Variants in CSGALNACT1 observed in about 807,000 individuals in gnomAD.
The protein encoded by CSGALNACT1 is chondroitin sulfate N-acetylgalactosaminyltransferase 1, also known as beta4GalNAcT-1.
In CSGALNACT1, 52 loss-of-function variants were observed where a neutral mutation model predicts 51.0. That is an observed-to-expected ratio of 1.02 (90% CI 0.82 to 1.29). The LOEUF is 1.29. Ranked by LOEUF, CSGALNACT1 falls within the 50% of genes most tolerant of loss-of-function variation. CSGALNACT1 has a pLI of 0.00. For missense variants in CSGALNACT1, 935 were observed against 679.2 expected (o/e 1.38, Z -4.19); for synonymous variants, 341 against 254.4 (o/e 1.34, Z -3.24).
At chr8:19,494,390 C>T (rs1163507376) in intron 4 of CSGALNACT1, among the ~76,000 whole-genome samples, 1 of 152,184 alleles carries the variant, frequency 6.6e-6, no homozygotes, top group Non-Finnish European at 1.5e-5. Context: ...TGATGCCCTT[C>T]CTGATCATTC....
chr8:19,711,648 A>G (rs946926131), intron 1 of CSGALNACT1, among the ~76,000 whole-genome samples: 1 of 152,210 alleles, frequency 6.6e-6, no homozygotes, highest in African/African-American at 2.4e-5. Flanking sequence ...AGAAGCAAAA[A>G]GCCTAACACC....
intron 4 of CSGALNACT1, among the ~76,000 whole-genome samples, chr8:19,474,416 G>C (rs2068924911): frequency 6.6e-6 from 1 of 152,094 alleles, no homozygotes; most frequent in Non-Finnish European, 1.5e-5. Context: ...AATGTATAGA[G>C]CAGGTAGTGT....
chr8:19,555,808 G>C (rs960895817), intron 3 of CSGALNACT1, among the ~76,000 whole-genome samples: 2 of 152,150 alleles, frequency 1.3e-5, no homozygotes, highest in Non-Finnish European at 2.9e-5. Flanking sequence ...TGCTTGTCTT[G>C]TGGGAAATAT....
chr8:19,425,942 G>C (rs1004488120), intron 6 of CSGALNACT1, among the ~76,000 whole-genome samples: 3 of 152,146 alleles, frequency 2.0e-5, no homozygotes, highest in Non-Finnish European at 2.9e-5. Context: ...TGCGCACTCT[G>C]AGCTCCCAAC....
intron 4 of CSGALNACT1, among the ~76,000 whole-genome samples, chr8:19,466,350 TAAGATA>T (rs986715748): frequency 6.6e-6 from 1 of 152,158 alleles, no homozygotes; most frequent in Admixed American, 6.6e-5. Flanking sequence ...GATGATCATT[TAAGATA>T]AAGAAAAAAC....
At chr8:19,583,157 C>T (rs773160382) in intron 3 of CSGALNACT1, among the ~76,000 whole-genome samples, 1 of 152,038 alleles carries the variant, frequency 6.6e-6, no homozygotes, top group Non-Finnish European at 1.5e-5. Context: ...TATCCAAAAA[C>T]ATAAACCAAT....
rs545184168 is a variant in CSGALNACT1, at chr8:19,422,590, G to A, written c.954-2072C>T. 2.0e-5 allele frequency among the ~76,000 whole-genome samples: 3 copies of A among 152,322 alleles called. No homozygotes were observed. In the South Asian group the frequency reaches 6.2e-4, roughly 32 times the overall value. On this transcript the variant is annotated intron_variant, in intron 6 of 9. Coordinates refer to ENST00000454498, the Ensembl canonical transcript of CSGALNACT1. ...TATCTTGAGTCTTTTCTCTGGGGGG[G>A]TGCCCCCATTGCACATTTTCTGTGT... is the stretch of plus-strand genomic sequence containing the variant.
At chr8:19,509,747 C>T (rs879877902) in intron 3 of CSGALNACT1, among the ~76,000 whole-genome samples, 1 of 152,016 alleles carries the variant, frequency 6.6e-6, no homozygotes, top group Admixed American at 6.6e-5. Context: ...GTGCAATCTC[C>T]TTCTCTGAGC....
chr8:19,422,434 C>T (rs899778630), intron 6 of CSGALNACT1, among the ~76,000 whole-genome samples: 2 of 152,154 alleles, frequency 1.3e-5, no homozygotes, highest in African/African-American at 4.8e-5. Flanking sequence ...ACTACTGCCT[C>T]GGCCTCCCAA....
At chr8:19,500,907 G>C (rs1230500354) in intron 4 of CSGALNACT1, among the ~76,000 whole-genome samples, 1 of 152,166 alleles carries the variant, frequency 6.6e-6, no homozygotes, top group African/African-American at 2.4e-5. Context: ...TCTGGTAAGG[G>C]CTGTATCCTC....
At chr8:19,605,065 G>A (rs2051181107), upstream of CSGALNACT1, among the ~76,000 whole-genome samples, 1 of 152,020 alleles carries the variant, frequency 6.6e-6, no homozygotes, top group Admixed American at 6.6e-5. Flanking sequence ...TCCCTCATAA[G>A]AAACCATAAT....
intron 4 of CSGALNACT1, among the ~76,000 whole-genome samples, chr8:19,466,071 A>G (rs2066602193): frequency 6.6e-6 from 1 of 152,218 alleles, no homozygotes; most frequent in African/African-American, 2.4e-5. Context: ...TTGTTTAAGT[A>G]AAAGCTATCT....
chr8:19,600,734 T>C (rs1320504060), intron 2 of CSGALNACT1, among the ~76,000 whole-genome samples: 1 of 151,976 alleles, frequency 6.6e-6, no homozygotes, highest in African/African-American at 2.4e-5. Context: ...CCACACACCC[T>C]CATTTAAGTA....
chr8:19,508,520 G>C (rs561872309), intron 3 of CSGALNACT1, among the ~76,000 whole-genome samples: 48 of 152,270 alleles, frequency 3.2e-4, no homozygotes, highest in African/African-American at 1.1e-3. Flanking sequence ...CTGTAATTCT[G>C]TGATTGAAAA....
chr8:19,720,607 G>A (rs2063067209), intron 1 of CSGALNACT1, among the ~76,000 whole-genome samples: 1 of 152,176 alleles, frequency 6.6e-6, no homozygotes, highest in Non-Finnish European at 1.5e-5. Flanking sequence ...TCCCCGGACA[G>A]GGCTAAGGAG....
intron 3 of CSGALNACT1, among the ~76,000 whole-genome samples, chr8:19,519,737 G>A (rs1203750206): frequency 6.6e-6 from 1 of 152,208 alleles, no homozygotes; most frequent in South Asian, 2.1e-4. Flanking sequence ...ATTAAAGCTT[G>A]TCTTCTTGGG....
intron 1 of CSGALNACT1, among the ~76,000 whole-genome samples, chr8:19,631,880 A>T (rs927710219): frequency 2.0e-5 from 3 of 152,210 alleles, no homozygotes; most frequent in African/African-American, 7.2e-5. Context: ...CCAGGGCAGC[A>T]GGGAGGGGCC....
chr8:19,698,549 A>C (rs764643405), intron 1 of CSGALNACT1, among the ~76,000 whole-genome samples: 4 of 152,226 alleles, frequency 2.6e-5, no homozygotes, highest in Non-Finnish European at 5.9e-5. Context: ...CGAAGAATTA[A>C]GCAGAGGAGC....
chr8:19,710,028 CAT>C (rs1400122833), intron 1 of CSGALNACT1, among the ~76,000 whole-genome samples: 15 of 152,172 alleles, frequency 9.9e-5, no homozygotes, highest in Non-Finnish European at 1.3e-4. Context: ...GGAGGCAAGA[CAT>C]GTGTGAAATA....
Sources: allele counts gnomAD v4.1 joint callset (sites outside exome capture counted in the v4.1 genomes callset), GRCh38; gene constraint gnomAD v4.1.1; transcripts MANE v1.5; gene names NCBI Gene and HGNC (gene_info 2026-07-23, HGNC 2026-07-21).